AHI1: variants seen among roughly 807,000 people sequenced by gnomAD.
AHI1 encodes Abelson helper integration site 1, also known as jouberin.
Under a neutral mutation model 149.3 loss-of-function variants are expected in AHI1, and 123 were observed. The observed-to-expected ratio is 0.82, with a 90% CI of 0.71 to 0.96. AHI1 has a LOEUF of 0.96. Among genes scored for constraint, AHI1 ranks in the 40% least tolerant of loss-of-function variants. AHI1 has a pLI of 0.00. For synonymous variants in AHI1, 475 were observed against 459.8 expected (o/e 1.03, Z -0.42); for missense variants, 1,439 against 1,422.7 (o/e 1.01, Z -0.18).
At chr6:135,372,755 G>C (rs866836808) in intron 23 of AHI1, among the ~76,000 whole-genome samples, 1 of 152,278 alleles carries the variant, frequency 6.6e-6, no homozygotes, top group Middle Eastern at 3.4e-3. Flanking sequence ...GTGGCTTTCA[G>C]AAAGTAAATT....
At chr6:135,397,001 T>C (rs1408423576) in intron 22 of AHI1, among the ~76,000 whole-genome samples, 1 of 151,532 alleles carries the variant, frequency 6.6e-6, no homozygotes, top group Non-Finnish European at 1.5e-5. Flanking sequence ...TACAACAAAA[T>C]TTTTTTTTAA....
chr6:135,419,576 T>A lies in AHI1; in HGVS notation c.2764+7591A>T, dbSNP rs72980212. ...ATATTGTAGTCTATTAAGTGTAGCA[T>A]TATGTCTAAAAAATCAATGCATTTA... is the stretch of plus-strand genomic sequence containing the variant. On this transcript the variant is annotated intron_variant, in intron 20 of 28. Transcript: ENST00000265602. 7.7e-3 allele frequency among the ~76,000 whole-genome samples: 1,174 copies of A among 152,220 alleles called. 9 individuals are homozygous for A. Among genetic ancestry groups the A allele is most frequent in the South Asian group, 0.017 (83 of 4,826 alleles).
chr6:135,347,054 T>C (rs1791342640), intron 24 of AHI1, among the ~76,000 whole-genome samples: 2 of 152,222 alleles, frequency 1.3e-5, no homozygotes, highest in African/African-American at 4.8e-5. Flanking sequence ...GTTTGAAACT[T>C]CTTTGTGGGC....
chr6:135,464,210 A>C (rs549146679), intron 7 of AHI1, among the ~76,000 whole-genome samples: 12 of 152,300 alleles, frequency 7.9e-5, no homozygotes, highest in African/African-American at 2.9e-4. Context: ...TGAGGAAAGT[A>C]AGACTAGAGA....
At chr6:135,316,713 C>G (rs1433613610) in intron 26 of AHI1, among the ~76,000 whole-genome samples, 1 of 151,914 alleles carries the variant, frequency 6.6e-6, no homozygotes, top group African/African-American at 2.4e-5. Flanking sequence ...ACTTTCTGGG[C>G]TCTGCCTTCA....
At chr6:135,486,485 C>G (rs1231645156) in intron 5 of AHI1, among the ~76,000 whole-genome samples, 5 of 152,054 alleles carry the variant, frequency 3.3e-5, no homozygotes, top group African/African-American at 1.2e-4. Context: ...GCACTAACAT[C>G]TTAATATTGA....
At chr6:135,403,165 G>A (rs957649638) in intron 22 of AHI1, among the ~76,000 whole-genome samples, 2 of 152,098 alleles carry the variant, frequency 1.3e-5, no homozygotes, top group African/African-American at 4.8e-5. Context: ...GTATGTGTAG[G>A]AATTGGGAAT....
chr6:135,428,800 C>A (rs373612654), intron 18 of AHI1, 41 bp from the exon 19 acceptor site: 2 of 1,528,478 alleles, frequency 1.3e-6, no homozygotes, highest in South Asian at 2.5e-5. Flanking sequence ...CTGTCTTAAT[C>A]ATGTAAATGA....
chr6:135,330,692 A>G (rs986640334), intron 24 of AHI1, among the ~76,000 whole-genome samples: 1 of 152,208 alleles, frequency 6.6e-6, no homozygotes, highest in Non-Finnish European at 1.5e-5. Flanking sequence ...ATCTGTCCAC[A>G]TGCCGGCAGC....
intron 11 of AHI1, among the ~76,000 whole-genome samples, chr6:135,452,212 C>A (rs755888598): frequency 7.9e-5 from 12 of 152,276 alleles, no homozygotes; most frequent in Middle Eastern, 3.4e-3. Context: ...GACTGTCTCA[C>A]ATTTTATAGA....
intron 5 of AHI1, among the ~76,000 whole-genome samples, chr6:135,486,218 C>T (rs377750168): frequency 5.9e-5 from 9 of 152,206 alleles, no homozygotes; most frequent in African/African-American, 2.2e-4. Context: ...AAAGGAAGAA[C>T]CTGTAGGCTA....
intron 27 of AHI1, chr6:135,297,632 C>G: frequency 2.5e-6 from 1 of 398,712 alleles, no homozygotes; most frequent in Non-Finnish European, 5.0e-6. Context: ...CACTGCTGGG[C>G]ACACTGTGAG....
At chr6:135,481,657 TGTGC>T in intron 5 of AHI1, among the ~76,000 whole-genome samples, 1 of 151,466 alleles carries the variant, frequency 6.6e-6, no homozygotes, top group Non-Finnish European at 1.5e-5. Flanking sequence ...TACTATTTGT[TGTGC>T]TCTTCTTTTT....
chr6:135,485,527 A>G (rs1794345181), intron 5 of AHI1, among the ~76,000 whole-genome samples: 1 of 152,244 alleles, frequency 6.6e-6, no homozygotes, highest in South Asian at 2.1e-4. Flanking sequence ...ACTGGTATAT[A>G]TAAAGTGCAA....
chr6:135,492,862 T>G (rs1012919363), intron 3 of AHI1: 2 of 985,210 alleles, frequency 2.0e-6, no homozygotes, highest in African/African-American at 3.5e-5. Flanking sequence ...CAACTCAGTA[T>G]GTATATTACT....
At chr6:135,462,906 T>TA (rs991813666) in intron 8 of AHI1, among the ~76,000 whole-genome samples, 34 of 151,302 alleles carry the variant, frequency 2.2e-4, no homozygotes, top group Non-Finnish European at 3.8e-4. Flanking sequence ...ATCTCAAAAA[T>TA]AAAAAAAATC....
At chr6:135,402,783 C>T (rs980328213) in intron 22 of AHI1, among the ~76,000 whole-genome samples, 2 of 152,128 alleles carry the variant, frequency 1.3e-5, no homozygotes, top group Admixed American at 6.5e-5. Flanking sequence ...ATTTTCTGTT[C>T]TCTGGCTTAC....
At chr6:135,460,482 T>TAAG (rs960647768) in intron 8 of AHI1, among the ~76,000 whole-genome samples, 3 of 152,142 alleles carry the variant, frequency 2.0e-5, no homozygotes, top group African/African-American at 7.2e-5. Flanking sequence ...CAAGTCTCTT[T>TAAG]AGAGAGTTGT....
rs1312325768 is a variant in AHI1 at position 135,382,932 on chromosome 6, T to A, written c.3109+11844A>T. ...AAAAAAAAAAAAAAAAAAAAATATATATATATATATATATATATATATACA... is the reference window on the plus strand; with the variant it reads ...AAAAAAAAAAAAAAAAAAAAATATAAATATATATATATATATATATATACA... On this transcript the variant is annotated intron_variant, in intron 23 of 28. Transcript: ENST00000265602. Among the ~76,000 whole-genome samples, 430 of 73,592 alleles carry A rather than the reference T, an allele frequency of 5.8e-3. 1 individual carries two copies. The highest frequency in any genetic ancestry group is 9.9e-3 in the African/African-American group (185 of 18,636). 48.3% of individuals were successfully genotyped at this position (73,592 alleles called of 152,430 possible). A position where few individuals can be genotyped will look rare whatever the true frequency, so the allele number is the denominator to read the frequency against.
Sources: allele counts gnomAD v4.1 joint callset (sites outside exome capture counted in the v4.1 genomes callset), GRCh38; gene constraint gnomAD v4.1.1; transcripts MANE v1.5; gene names NCBI Gene and HGNC (gene_info 2026-07-23, HGNC 2026-07-21).